The following KIAA1217 variants were observed in gnomAD, a reference collection of about 807,000 sequenced individuals.
KIAA1217 encodes KIAA1217, also known as sickle tail protein homolog.
KIAA1217 carries 88 observed loss-of-function variants against 163.9 expected under a neutral mutation model. The ratio of observed to expected loss-of-function variants is 0.54; its 90% CI spans 0.45 to 0.64. The LOEUF (loss-of-function observed/expected upper bound fraction) is 0.64, where lower values mean the gene tolerates loss of function less well. Ranked by LOEUF, KIAA1217 falls within the 30% of genes least tolerant of loss-of-function variation. The pLI is 0.00. For synonymous variants in KIAA1217, 903 were observed against 923.1 expected (o/e 0.98, Z 0.39); for missense variants, 2,372 against 2,475.0 (o/e 0.96, Z 0.88).
At chr10:23,998,321 T>G (rs1846590955) in intron 1 of KIAA1217, among the ~76,000 whole-genome samples, 1 of 152,172 alleles carries the variant, frequency 6.6e-6, no homozygotes, top group Non-Finnish European at 1.5e-5. Context: ...CAAACCTCAA[T>G]GCAGAAAAGG....
At chr10:24,058,179 C>A (rs1451358902) in intron 2 of KIAA1217, among the ~76,000 whole-genome samples, 1 of 152,140 alleles carries the variant, frequency 6.6e-6, no homozygotes, top group Admixed American at 6.5e-5. Context: ...TACCTTAGTA[C>A]CTTTGTTGAA....
chr10:24,158,075 A>G lies in KIAA1217; in HGVS notation c.-170-61551A>G, dbSNP rs1215242287. The G allele has an allele frequency of 2.0e-5, 15 of 755,418 alleles. No individual in the cohort carries two copies. In the East Asian group the frequency reaches 3.7e-4, roughly 19 times the overall value. The allele number at this position is 755,418 out of a possible 1,614,324, so 46.8% of individuals were successfully genotyped here. A position where few individuals can be genotyped will look rare whatever the true frequency, so the allele number is the denominator to read the frequency against. On this transcript the variant is annotated intron_variant, in intron 2 of 18. Coordinates refer to the KIAA1217 transcript ENST00000376462. ...ACCACAACCAGTTTTACTAGCTCAT[A>G]AAGATAAAAGTGGCGCTCCACAAGT... is the stretch of plus-strand genomic sequence containing the variant.
intron 1 of KIAA1217, among the ~76,000 whole-genome samples, chr10:23,865,818 GA>G (rs1306814270): frequency 6.6e-6 from 1 of 152,088 alleles, no homozygotes; most frequent in Non-Finnish European, 1.5e-5. Flanking sequence ...TTAACAATGG[GA>G]GAAGGGACTA....
chr10:23,939,345 A>T (rs1390827807), intron 1 of KIAA1217, among the ~76,000 whole-genome samples: 1 of 152,160 alleles, frequency 6.6e-6, no homozygotes, highest in South Asian at 2.1e-4. Flanking sequence ...GGAGGCATGC[A>T]TGTGTGTGGT....
At chr10:23,995,828 G>T (rs551994940) in intron 1 of KIAA1217, among the ~76,000 whole-genome samples, 18 of 152,148 alleles carry the variant, frequency 1.2e-4, no homozygotes, top group Non-Finnish European at 2.2e-4. Context: ...TTTTGGCAAG[G>T]TTAAGCGTAT....
In KIAA1217 at chr10:23,704,563, T is replaced by C. The variant is rs74548998; in HGVS notation, c.-321+9329T>C. ...GTATATGGAATCATAACAGTATTTA[T>C]CCTTTTGTGATTGGCTTCTTTCACT... On this transcript the variant is annotated intron_variant, in intron 1 of 18. Transcript: ENST00000376462. 1.1e-3 allele frequency among the ~76,000 whole-genome samples: 175 copies of C among 152,228 alleles called. 12 individuals carry two copies. In the East Asian group the frequency reaches 0.027, roughly 24 times the overall value.
intron 2 of KIAA1217, among the ~76,000 whole-genome samples, chr10:24,086,430 T>A (rs900856257): frequency 6.6e-5 from 10 of 152,236 alleles, no homozygotes; most frequent in African/African-American, 2.2e-4. Context: ...GCCTGATTAT[T>A]TCTTATGTCC....
chr10:23,811,029 G>A (rs1364962230), intron 1 of KIAA1217, among the ~76,000 whole-genome samples: 4 of 123,270 alleles, frequency 3.2e-5, no homozygotes, highest in Non-Finnish European at 4.8e-5. Flanking sequence ...TATACTATAT[G>A]ATATGTATAC....
chr10:24,270,126 A>G (rs2076632941), intron 2 of KIAA1217, among the ~76,000 whole-genome samples: 2 of 152,220 alleles, frequency 1.3e-5, no homozygotes, highest in Admixed American at 6.5e-5. Flanking sequence ...GAAATGGAAA[A>G]TCCTTAATAT....
chr10:23,787,484 G>C (rs1033868602), intron 1 of KIAA1217, among the ~76,000 whole-genome samples: 3 of 152,068 alleles, frequency 2.0e-5, no homozygotes, highest in African/African-American at 7.2e-5. Flanking sequence ...CCAAATCCAG[G>C]CTCTAGGGTC....
intron 1 of KIAA1217, among the ~76,000 whole-genome samples, chr10:24,001,187 C>T (rs1385812307): frequency 6.6e-6 from 1 of 152,092 alleles, no homozygotes; most frequent in Non-Finnish European, 1.5e-5. Context: ...ATAATATAAT[C>T]ACTGTCTTTA....
chr10:24,343,147 G>A (rs1355268150), intron 2 of KIAA1217, among the ~76,000 whole-genome samples: 2 of 151,998 alleles, frequency 1.3e-5, no homozygotes, highest in South Asian at 2.1e-4. Flanking sequence ...ATATATCTGG[G>A]TATTTTTTTC....
chr10:23,796,879 G>A (rs868655424), intron 1 of KIAA1217, among the ~76,000 whole-genome samples: 3 of 151,988 alleles, frequency 2.0e-5, no homozygotes, highest in South Asian at 4.2e-4. Flanking sequence ...TGGAGACAAG[G>A]TCTCACTTTG....
chr10:24,374,928 G>A (rs1001069320), intron 2 of KIAA1217, among the ~76,000 whole-genome samples: 13 of 152,230 alleles, frequency 8.5e-5, no homozygotes, highest in Admixed American at 5.2e-4. Context: ...GGAACTACAC[G>A]TGTGCAGCAC....
intron 1 of KIAA1217, among the ~76,000 whole-genome samples, chr10:23,943,710 T>C (rs1292833918): frequency 6.6e-6 from 1 of 152,228 alleles, no homozygotes; most frequent in East Asian, 1.9e-4. Flanking sequence ...CCATACTACC[T>C]GATATCAAGA....
chr10:24,357,895 T>G (rs2049329857), intron 2 of KIAA1217, among the ~76,000 whole-genome samples: 1 of 152,168 alleles, frequency 6.6e-6, no homozygotes, highest in Admixed American at 6.5e-5. Context: ...TGAGGCCATG[T>G]GAGCATTGGG....
At chr10:23,936,819 A>G (rs764041403) in intron 1 of KIAA1217, among the ~76,000 whole-genome samples, 49 of 152,312 alleles carry the variant, frequency 3.2e-4, no homozygotes, top group Non-Finnish European at 6.3e-4. Context: ...CAGGAAACTA[A>G]TACACACAGA....
At chr10:23,925,377 A>T (rs995702028) in intron 1 of KIAA1217, among the ~76,000 whole-genome samples, 3 of 152,166 alleles carry the variant, frequency 2.0e-5, no homozygotes, top group Non-Finnish European at 2.9e-5. Context: ...CCGGAGCTTC[A>T]TTCTAGTGGA....
intron 1 of KIAA1217, among the ~76,000 whole-genome samples, chr10:23,701,666 T>G (rs567934752): frequency 2.6e-5 from 4 of 152,348 alleles, no homozygotes; most frequent in South Asian, 4.1e-4. Flanking sequence ...GGGCTAGTAA[T>G]AGCCTGTATA....
Sources: allele counts gnomAD v4.1 joint callset (sites outside exome capture counted in the v4.1 genomes callset), GRCh38; gene constraint gnomAD v4.1.1; transcripts MANE v1.5; gene names NCBI Gene and HGNC (gene_info 2026-07-23, HGNC 2026-07-21).